ATP7A: variants seen among roughly 807,000 people sequenced by gnomAD.
The protein encoded by ATP7A is copper-transporting ATPase 1.
ATP7A carries 7 observed loss-of-function variants against 83.5 expected under a neutral mutation model. The ratio of observed to expected loss-of-function variants is 0.08; its 90% CI spans 0.05 to 0.16. ATP7A has a LOEUF of 0.16. Ranked by LOEUF, ATP7A falls within the 10% of genes least tolerant of loss-of-function variation. The pLI, the probability that ATP7A is intolerant of heterozygous loss-of-function variation, is 1.00. For synonymous variants in ATP7A, 354 were observed against 395.2 expected (o/e 0.90, Z 1.24); for missense variants, 940 against 1,120.8 (o/e 0.84, Z 2.30).
chrX:77,999,904 T>C (rs1393288617), intron 5 of ATP7A, among the ~76,000 whole-genome samples: 1 of 89,149 alleles, frequency 1.1e-5, no homozygotes, highest in Non-Finnish European at 2.1e-5. Flanking sequence ...CAAGACTCCA[T>C]CTCAAAAAAA....
intron 1 of ATP7A, among the ~76,000 whole-genome samples, chrX:77,934,047 T>C (rs1279607604): frequency 8.9e-6 from 1 of 111,883 alleles, no homozygotes; most frequent in Non-Finnish European, 1.9e-5. Context: ...TATTTTATGT[T>C]TTTAGGTGAA....
chrX:78,005,566 C>A (rs2077767877), intron 6 of ATP7A, among the ~76,000 whole-genome samples: 1 of 106,430 alleles, frequency 9.4e-6, no homozygotes, highest in African/African-American at 3.4e-5. Context: ...GCCTGTAATC[C>A]CAGATACTCG....
intron 1 of ATP7A, among the ~76,000 whole-genome samples, chrX:77,929,503 C>T (rs191424367): frequency 7.1e-5 from 8 of 111,935 alleles, no homozygotes; most frequent in Non-Finnish European, 1.5e-4. Context: ...GGCAAAGGAG[C>T]TCTCACTATG....
intron 2 of ATP7A, among the ~76,000 whole-genome samples, chrX:77,973,145 A>G (rs1356087556): frequency 2.7e-5 from 3 of 111,522 alleles, no homozygotes; most frequent in Admixed American, 9.6e-5. Flanking sequence ...CACCATTGAA[A>G]AAAATTAAAA....
At chrX:78,027,411 C>T (rs2077952866) in intron 14 of ATP7A, among the ~76,000 whole-genome samples, 1 of 111,597 alleles carries the variant, frequency 9.0e-6, no homozygotes, top group African/African-American at 3.3e-5. Flanking sequence ...TGAAAGATCT[C>T]TACAGAGAGA....
chrX:77,974,422 G>T (rs1194697372), intron 2 of ATP7A, among the ~76,000 whole-genome samples: 1 of 111,279 alleles, frequency 9.0e-6, no homozygotes, highest in Admixed American at 9.6e-5. Context: ...GGGATTGCAG[G>T]TGTGAGCCAC....
intron 6 of ATP7A, among the ~76,000 whole-genome samples, chrX:78,004,964 C>T (rs781820300): frequency 9.1e-6 from 1 of 110,277 alleles, no homozygotes; most frequent in East Asian, 2.9e-4. Flanking sequence ...ATCTGTAGTC[C>T]CAGCTACTTG....
intron 2 of ATP7A, among the ~76,000 whole-genome samples, chrX:77,974,341 G>A (rs1229041414): frequency 1.8e-5 from 2 of 110,516 alleles, no homozygotes; most frequent in East Asian, 2.8e-4. Flanking sequence ...TTGGGGTTTC[G>A]CCGTGTTGGC....
At position 77,971,674 on chromosome X, in the gene ATP7A, C is replaced by T; in HGVS notation, c.33C>T (p.Thr11=). MDPSMGVNSV[T]ISVEGMTCNS... Reference sequence around the variant, plus strand: ...CAAGTATGGGTGTGAATTCTGTTACCATTTCTGTTGAGGGTATGACTTGCA... The same window carrying T: ...CAAGTATGGGTGTGAATTCTGTTACTATTTCTGTTGAGGGTATGACTTGCA... Residue 11 remains threonine (T), a synonymous_variant, in exon 2 of 23, where the codon ACC becomes ACT. Transcript: ENST00000341514. The T allele has an allele frequency of 8.3e-7, 1 of 1,210,299 alleles. No homozygotes were observed. Among genetic ancestry groups the T allele is most frequent in the African/African-American group, 1.7e-5 (1 of 57,726 alleles).
chrX:78,028,626 C>T (rs182084407), intron 14 of ATP7A, among the ~76,000 whole-genome samples: 61 of 112,249 alleles, frequency 5.4e-4, no homozygotes, highest in East Asian at 1.4e-3. Flanking sequence ...GATGTGAGCC[C>T]GTGCACAGAC....
chrX:78,044,168 C>T (rs1333422264), intron 21 of ATP7A, among the ~76,000 whole-genome samples: 1 of 103,174 alleles, frequency 9.7e-6, no homozygotes, highest in Non-Finnish European at 1.9e-5. Context: ...GCAGTAGACT[C>T]GCTTGAACCC....
At chrX:78,040,789 G>C (rs1263623777) in intron 19 of ATP7A, 56 bp downstream of exon 19, 2 of 1,145,788 alleles carry the variant, frequency 1.7e-6, no homozygotes, top group Non-Finnish European at 2.4e-6. Context: ...TTTATATCTT[G>C]CCTTCAAATG....
chrX:77,953,855 G>A (rs1034448558), intron 1 of ATP7A, among the ~76,000 whole-genome samples: 2 of 112,582 alleles, frequency 1.8e-5, no homozygotes, highest in Non-Finnish European at 3.7e-5. Context: ...ACATAGACAA[G>A]TCTCAGCTTT....
chrX:78,015,996 T>C, intron 12 of ATP7A, 115 bp downstream of exon 12: 4 of 864,023 alleles, frequency 4.6e-6, no homozygotes, highest in East Asian at 3.2e-5. Flanking sequence ...AATAAGTTCT[T>C]TTAAGACTGT....
In ATP7A at chrX:77,989,429, G is replaced by T. The variant is rs868946047; in HGVS notation, c.807G>T (p.Arg269Ser). 8.3e-7 allele frequency: 1 copy of T among 1,209,818 alleles called. No individual in the cohort carries two copies. The highest frequency in any genetic ancestry group is 1.1e-6 in the Non-Finnish European group (1 of 895,029). ...PVKSSEGSQQ[R>S]SPSYTNDSTA... ...AATCCTCAGAAGGGTCACAGCAAAG[G>T]AGTCCATCATATACCAATGATTCAA... The change falls in exon 4 of 23, where the codon AGG becomes AGT. Residue 269 changes from arginine to serine, a missense_variant. Arg to Ser is a moderately radical substitution (Grantham distance 110). Transcript: ENST00000341514.
chrX:78,027,009 G>A (rs782225549), intron 14 of ATP7A, among the ~76,000 whole-genome samples: 1 of 110,673 alleles, frequency 9.0e-6, no homozygotes, highest in African/African-American at 3.3e-5. Flanking sequence ...AATTAGCCAG[G>A]CATGGTGGCA....
chrX:78,017,765 CTTTTTTTTTTTTTTTTT>C (rs1176316040), intron 12 of ATP7A, among the ~76,000 whole-genome samples: 3 of 45,859 alleles, frequency 6.5e-5, no homozygotes, highest in African/African-American at 9.4e-5. Context: ...TTTCTTGTTT[CTTTTTTTTTTTTTTTTT>C]TTTTTTTTTT....
At chrX:77,936,628 T>C (rs782549853) in intron 1 of ATP7A, among the ~76,000 whole-genome samples, 2 of 111,898 alleles carry the variant, frequency 1.8e-5, no homozygotes, top group East Asian at 5.6e-4. Flanking sequence ...TTAGGAGAAA[T>C]GTTACTCTGT....
Position 78,009,259 on chromosome X carries a change from T to C in ATP7A, c.1865T>C (p.Ile622Thr). ...IIGPRDIIHTIESLGFEASLV... is the reference protein window; with the variant it reads ...IIGPRDIIHTTESLGFEASLV... ...GGTCCTAGAGATATTATCCATACAA[T>C]TGAAGTAAGTGCCAAGAATTTATGT... Residue 622 changes from isoleucine (I) to threonine (T), a missense_variant, in exon 7 of 23, where the codon ATT (isoleucine) becomes ACT (threonine). Ile to Thr is a moderately conservative substitution (Grantham distance 89, BLOSUM62 -1). Coordinates refer to ENST00000341514, the MANE Select transcript of ATP7A (RefSeq NM_000052.7). 1.7e-6 allele frequency: 2 copies of C among 1,206,083 alleles called. No homozygotes were observed. Among genetic ancestry groups the C allele is most frequent in the African/African-American group, 1.7e-5 (1 of 57,510 alleles).
Sources: allele counts gnomAD v4.1 joint callset (sites outside exome capture counted in the v4.1 genomes callset), GRCh38; gene constraint gnomAD v4.1.1; transcripts MANE v1.5; gene names NCBI Gene and HGNC (gene_info 2026-07-23, HGNC 2026-07-21).